CDH23: variants seen among roughly 807,000 people sequenced by gnomAD.
CDH23 encodes cadherin-23.
In CDH23, 189 loss-of-function variants were observed where a neutral mutation model predicts 317.1. The observed-to-expected ratio is 0.60, with a 90% CI of 0.53 to 0.67. The LOEUF (loss-of-function observed/expected upper bound fraction) is 0.67. Among genes scored for constraint, CDH23 ranks in the 30% least tolerant of loss-of-function variants. The probability of loss-of-function intolerance (pLI) is 0.00; values close to 1 mark genes in which losing one functional copy is unlikely to be tolerated. For missense variants in CDH23, 4,401 were observed against 4,592.4 expected (o/e 0.96, Z 1.20); for synonymous variants, 1,839 against 1,876.8 (o/e 0.98, Z 0.52).
At chr10:71,713,209 C>T in intron 28 of CDH23, 2 of 779,186 alleles carry the variant, frequency 2.6e-6, no homozygotes, top group Non-Finnish European at 4.8e-6. Context: ...GAGCCCTTGG[C>T]CGAGGCTCCC....
At chr10:71,436,806 C>T (rs1283149175) in intron 1 of CDH23, among the ~76,000 whole-genome samples, 1 of 152,174 alleles carries the variant, frequency 6.6e-6, no homozygotes, top group Admixed American at 6.5e-5. Flanking sequence ...GTTTAATTCT[C>T]ATAACATCTG....
chr10:71,618,093 G>A (rs1861285626), intron 11 of CDH23, among the ~76,000 whole-genome samples: 1 of 152,120 alleles, frequency 6.6e-6, no homozygotes, highest in African/African-American at 2.4e-5. Flanking sequence ...TTTTGCTCCT[G>A]TTCAAATAAT....
At chr10:71,737,978 T>C (rs1839614593) in intron 34 of CDH23, among the ~76,000 whole-genome samples, 2 of 152,182 alleles carry the variant, frequency 1.3e-5, no homozygotes, top group South Asian at 4.1e-4. Context: ...GCCCATTTCC[T>C]TCCCTCTAAG....
chr10:71,476,784 C>T (rs1851815220), intron 3 of CDH23, among the ~76,000 whole-genome samples: 1 of 152,192 alleles, frequency 6.6e-6, no homozygotes, highest in Non-Finnish European at 1.5e-5. Flanking sequence ...AACTTCAAAG[C>T]ACCCCCTTTG....
chr10:71,487,421 A>C (rs932514264), intron 3 of CDH23, among the ~76,000 whole-genome samples: 2 of 152,196 alleles, frequency 1.3e-5, no homozygotes, highest in Admixed American at 6.5e-5. Context: ...GTACATGCAC[A>C]TACATACTTG....
At chr10:71,670,149 G>A (rs1218897554) in intron 14 of CDH23, among the ~76,000 whole-genome samples, 3 of 152,244 alleles carry the variant, frequency 2.0e-5, no homozygotes, top group East Asian at 3.9e-4. Flanking sequence ...GCAATAGGGA[G>A]CCTCGGCAGG....
intron 32 of CDH23, among the ~76,000 whole-genome samples, chr10:71,733,287 C>G (rs1287198581): frequency 6.6e-6 from 1 of 152,236 alleles, no homozygotes; most frequent in Admixed American, 6.5e-5. Flanking sequence ...ACATGCCACC[C>G]TCCAGGCACC....
intron 12 of CDH23, among the ~76,000 whole-genome samples, chr10:71,645,449 A>T (rs930045751): frequency 9.2e-5 from 14 of 152,128 alleles, no homozygotes; most frequent in African/African-American, 3.4e-4. Flanking sequence ...CACTCCCCTC[A>T]CATCCTCTCT....
chr10:71,798,301 C>A, intron 49 of CDH23, 53 bp from the exon 50 acceptor site: 1 of 1,413,434 alleles, frequency 7.1e-7, no homozygotes, highest in Non-Finnish European at 1.0e-6. Flanking sequence ...GAAGGCCTGG[C>A]CCAGCCACAC....
rs200528132 is a variant in CDH23 at position 71,760,179 on chromosome 10, G to A, written c.4846-17501G>A. On this transcript the variant is annotated intron_variant, in intron 38 of 69. Transcript: ENST00000224721. ...TATATATGTATATACATATATATGT[G>A]TGTATATATATGTATATACATATAT... Among the ~76,000 whole-genome samples the A allele has an allele frequency of 2.6e-3, 78 of 30,462 alleles. 10 individuals are homozygous for A. The highest frequency in any genetic ancestry group is 0.011 in the East Asian group (11 of 1,004). The allele number at this position is 30,462 out of a possible 152,430, so 20.0% of individuals were successfully genotyped here.
At chr10:71,420,226 G>A (rs561546191) in intron 1 of CDH23, among the ~76,000 whole-genome samples, 1 of 151,464 alleles carries the variant, frequency 6.6e-6, no homozygotes, top group East Asian at 1.9e-4. Context: ...TTTATTTTTG[G>A]GCAGGCAATA....
intron 6 of CDH23, among the ~76,000 whole-genome samples, chr10:71,517,191 G>T (rs77627503): frequency 3.3e-5 from 5 of 152,328 alleles, no homozygotes; most frequent in African/African-American, 1.2e-4. Context: ...CGAGGTGAGG[G>T]CTTCCTTACT....
Position 71,610,327 on chromosome 10 carries a change from G to A in CDH23, c.833-5177G>A, listed in dbSNP as rs367904173. Reference sequence around the variant, plus strand: ...CCTAGGACTCCCTCTTGAGGAAGAAGCCACTTTGTTGACACTCCACTCTAT... The same window carrying A: ...CCTAGGACTCCCTCTTGAGGAAGAAACCACTTTGTTGACACTCCACTCTAT... On this transcript the variant is annotated intron_variant, in intron 9 of 69. Coordinates refer to ENST00000224721, the MANE Select transcript of CDH23 (RefSeq NM_022124.6). Among the ~76,000 whole-genome samples the A allele has an allele frequency of 2.2e-4, 33 of 152,264 alleles. No individual in the cohort carries two copies. In the South Asian group the frequency reaches 5.4e-3, roughly 25 times the overall value.
intron 11 of CDH23, among the ~76,000 whole-genome samples, chr10:71,641,364 G>A (rs1028476778): frequency 8.5e-5 from 13 of 152,210 alleles, no homozygotes; most frequent in Non-Finnish European, 1.6e-4. Flanking sequence ...GCACGTGGCT[G>A]CAAGGCCACC....
At chr10:71,426,115 G>A (rs751360782) in intron 1 of CDH23, among the ~76,000 whole-genome samples, 21 of 152,274 alleles carry the variant, frequency 1.4e-4, no homozygotes, top group Middle Eastern at 3.4e-3. Context: ...TGAATTAGCC[G>A]GTGGAAGTTG....
chr10:71,705,041 G>T lies in CDH23; in HGVS notation c.2864G>T (p.Arg955Leu), dbSNP rs758293939. 6.8e-6 allele frequency: 11 copies of T among 1,612,546 alleles called. No individual in the cohort carries two copies. Among genetic ancestry groups the T allele is most frequent in the Middle Eastern group, 3.3e-4 (2 of 6,084 alleles). ...GTGGTCACCACCACCGAGCTGGACC[G>T]CGAGCGCATCGCGGAGTACCAGCTG... Reference protein sequence around the residue: ...GVVVTTTELDRERIAEYQLRV... With the variant: ...GVVVTTTELDLERIAEYQLRV... Residue 955 changes from arginine (R) to leucine (L), a missense_variant, in exon 25 of 70, where the codon CGC becomes CTC. By Grantham distance (102) the Arg-to-Leu change is moderately radical. Coordinates refer to ENST00000224721, the MANE Select transcript of CDH23 (RefSeq NM_022124.6).
At chr10:71,795,130 C>A (rs1295133433) in intron 48 of CDH23, among the ~76,000 whole-genome samples, 1 of 152,000 alleles carries the variant, frequency 6.6e-6, no homozygotes, top group East Asian at 1.9e-4. Context: ...TTCAGAAATA[C>A]TTTTATTAAC....
chr10:71,647,462 C>CA (rs56367143), intron 14 of CDH23, among the ~76,000 whole-genome samples: 2,784 of 148,016 alleles, frequency 0.019, 180 homozygotes, highest in East Asian at 0.17. Flanking sequence ...GATTCTGTCT[C>CA]AAAAAAAAAA....
At chr10:71,660,369 T>C (rs1454610477) in intron 14 of CDH23, among the ~76,000 whole-genome samples, 2 of 152,154 alleles carry the variant, frequency 1.3e-5, no homozygotes, top group East Asian at 3.8e-4. Context: ...TGTATTTTTC[T>C]CCCATGTAAA....
Sources: gnomAD v4.1 joint callset for allele counts (sites outside exome capture counted in the v4.1 genomes callset) on GRCh38, gnomAD v4.1.1 for gene constraint, MANE v1.5 for transcripts, NCBI Gene and HGNC (gene_info 2026-07-23, HGNC 2026-07-21) for gene names.